Variants in CALN1 observed in about 807,000 individuals in gnomAD.
The protein encoded by CALN1 is calcium-binding protein 8.
A neutral mutation model predicts 30.6 loss-of-function variants in CALN1; 17 were observed. The ratio of observed to expected loss-of-function variants is 0.56; its 90% confidence interval spans 0.38 to 0.83. The LOEUF (loss-of-function observed/expected upper bound fraction) is 0.83, where lower values mean the gene tolerates loss of function less well. CALN1 is among the 40% of genes least tolerant of loss of function. The pLI is 0.00. For missense variants in CALN1, 291 were observed against 354.9 expected, an observed-to-expected ratio of 0.82 and a Z score of 1.45; for synonymous variants, 156 against 131.4, an observed-to-expected ratio of 1.19 and a Z score of -1.28.
intron 5 of CALN1, among the ~76,000 whole-genome samples, chr7:71,883,014 C>T (rs1173419232): frequency 6.6e-6 from 1 of 152,136 alleles, no homozygotes. Flanking sequence ...CACACCCAGC[C>T]TCATCTTACT....
intron 2 of CALN1, among the ~76,000 whole-genome samples, chr7:72,368,861 C>A (rs1689495742): frequency 7.3e-6 from 1 of 137,332 alleles, no homozygotes; most frequent in Non-Finnish European, 1.5e-5. Flanking sequence ...GTTGCCCAGG[C>A]TGGAGTGCAG....
chr7:72,187,078 A>G (rs1173101966), intron 3 of CALN1, among the ~76,000 whole-genome samples: 1 of 152,098 alleles, frequency 6.6e-6, no homozygotes, highest in East Asian at 1.9e-4. Flanking sequence ...GTAAAAGAAT[A>G]TGATTGCTTT....
chr7:72,411,416 G>C (rs931493787), intron 1 of CALN1, among the ~76,000 whole-genome samples: 2 of 152,104 alleles, frequency 1.3e-5, no homozygotes, highest in Non-Finnish European at 2.9e-5. Context: ...TTAGAGAAAA[G>C]AGCTGTAAAT....
Position 72,326,549 on chromosome 7 carries a change from G to A in CALN1, c.120-47739C>T, listed in dbSNP as rs146601731. Reference sequence around the variant, plus strand: ...GAGCAACTGGTTTTCCGAACCAGCAGTAGGAATGCTGGAGGCTGAGACGCC... The same window carrying A: ...GAGCAACTGGTTTTCCGAACCAGCAATAGGAATGCTGGAGGCTGAGACGCC... On this transcript the variant is annotated intron_variant, in intron 2 of 6. Coordinates refer to ENST00000395275, the MANE Select transcript of CALN1 (RefSeq NM_031468.4). Among the ~76,000 whole-genome samples, 408 of 152,348 alleles carry A rather than the reference G, an allele frequency of 2.7e-3. 2 individuals are homozygous for A. Among genetic ancestry groups the A allele is most frequent in the Middle Eastern group, 0.01 (3 of 294 alleles).
intron 1 of CALN1, among the ~76,000 whole-genome samples, chr7:72,405,116 A>G (rs1329837540): frequency 6.6e-6 from 1 of 152,084 alleles, no homozygotes; most frequent in Admixed American, 6.5e-5. Context: ...AGGAATGATG[A>G]GATACGACAG....
chr7:72,245,686 T>C (rs998495839), intron 3 of CALN1, among the ~76,000 whole-genome samples: 1 of 152,028 alleles, frequency 6.6e-6, no homozygotes, highest in Non-Finnish European at 1.5e-5. Flanking sequence ...AGATCAGAGA[T>C]AGAATTCACT....
intron 3 of CALN1, among the ~76,000 whole-genome samples, chr7:72,205,557 T>A (rs913758418): frequency 0.017 from 1,891 of 109,920 alleles, 268 homozygotes; most frequent in African/African-American, 0.077. Context: ...AAAAAATATA[T>A]ATATATATAT....
intron 2 of CALN1, among the ~76,000 whole-genome samples, chr7:72,378,636 A>G (rs1384932804): frequency 6.6e-6 from 1 of 151,110 alleles, no homozygotes; most frequent in Non-Finnish European, 1.5e-5. Context: ...ACTTTCATAT[A>G]CCTTAGAATC....
intron 3 of CALN1, among the ~76,000 whole-genome samples, chr7:72,258,127 A>G (rs1436112578): frequency 5.9e-5 from 9 of 152,136 alleles, no homozygotes; most frequent in African/African-American, 1.7e-4. Context: ...GAATTTTTTA[A>G]AAAAAAACTT....
chr7:71,909,452 A>G (rs892525882), intron 5 of CALN1, among the ~76,000 whole-genome samples: 5 of 152,148 alleles, frequency 3.3e-5, no homozygotes, highest in African/African-American at 1.2e-4. Flanking sequence ...AAAAAAAAAA[A>G]GCAGACTGCT....
At chr7:71,974,539 C>T (rs1358082391) in intron 5 of CALN1, among the ~76,000 whole-genome samples, 1 of 151,996 alleles carries the variant, frequency 6.6e-6, no homozygotes, top group African/African-American at 2.4e-5. Context: ...TTCCACCACC[C>T]CTTGAGGTGT....
intron 6 of CALN1, among the ~76,000 whole-genome samples, chr7:71,797,374 A>G (rs1401567173): frequency 6.6e-6 from 1 of 152,178 alleles, no homozygotes; most frequent in Non-Finnish European, 1.5e-5. Context: ...TCCAGTTCTG[A>G]TATTTTATGA....
chr7:71,878,596 C>T (rs1218348101), intron 5 of CALN1, among the ~76,000 whole-genome samples: 3 of 152,032 alleles, frequency 2.0e-5, no homozygotes, highest in Non-Finnish European at 4.4e-5. Flanking sequence ...AGGAAGTGAA[C>T]AGCTGAAATG....
intron 2 of CALN1, among the ~76,000 whole-genome samples, chr7:72,379,541 G>C (rs535806278): frequency 6.6e-6 from 1 of 152,186 alleles, no homozygotes; most frequent in Non-Finnish European, 1.5e-5. Context: ...AATTTCAACT[G>C]ACTATAGCTG....
At chr7:72,122,863 G>A (rs897269745) in intron 3 of CALN1, among the ~76,000 whole-genome samples, 5 of 152,144 alleles carry the variant, frequency 3.3e-5, no homozygotes, top group African/African-American at 1.2e-4. Context: ...GAAAACCAAG[G>A]TATAAATAGC....
intron 2 of CALN1, among the ~76,000 whole-genome samples, chr7:72,362,281 G>A (rs774659499): frequency 6.6e-6 from 1 of 152,114 alleles, no homozygotes; most frequent in Admixed American, 6.5e-5. Context: ...TAAGTGATAC[G>A]CCCACATGGC....
At chr7:71,939,186 T>G (rs1377178509) in intron 5 of CALN1, among the ~76,000 whole-genome samples, 1 of 152,102 alleles carries the variant, frequency 6.6e-6, no homozygotes, top group Admixed American at 6.6e-5. Context: ...TCATATCTTT[T>G]GCGATACTGG....
intron 3 of CALN1, among the ~76,000 whole-genome samples, chr7:72,121,718 G>T (rs906308398): frequency 2.7e-5 from 4 of 148,246 alleles, no homozygotes; most frequent in African/African-American, 7.4e-5. Context: ...GACATCAAAT[G>T]TTTATTATAA....
At chr7:72,268,484 T>A (rs1316159310) in intron 3 of CALN1, among the ~76,000 whole-genome samples, 1 of 152,172 alleles carries the variant, frequency 6.6e-6, no homozygotes, top group Non-Finnish European at 1.5e-5. Context: ...CAATTTTAAC[T>A]AATTCAGGGA....
Sources: gnomAD v4.1 joint callset for allele counts (sites outside exome capture counted in the v4.1 genomes callset) on GRCh38, gnomAD v4.1.1 for gene constraint, MANE v1.5 for transcripts, NCBI Gene and HGNC (gene_info 2026-07-23, HGNC 2026-07-21) for gene names.